The following DMD variants were observed in gnomAD, a reference collection of about 807,000 sequenced individuals.
DMD encodes dystrophin.
DMD carries 63 observed loss-of-function variants against 330.1 expected under a neutral mutation model. The ratio of observed to expected loss-of-function variants is 0.19; its 90% CI spans 0.16 to 0.24. The LOEUF is 0.24. DMD is among the 10% of genes least tolerant of loss of function. DMD has a pLI of 1.00. For missense variants in DMD, 3,344 were observed against 2,684.1 expected (o/e 1.25, Z -5.43); for synonymous variants, 1,223 against 959.8 (o/e 1.27, Z -5.07).
chrX:33,188,577 T>C (rs926971273), intron 1 of DMD, among the ~76,000 whole-genome samples: 3 of 109,656 alleles, frequency 2.7e-5, no homozygotes, highest in South Asian at 7.7e-4. Context: ...ACAGGAAGAG[T>C]GGGAAGAGAA....
rs1339342122 is a variant in DMD, at chrX:32,902,589, C to T, written c.94-52769G>A. Among the ~76,000 whole-genome samples, 6 of 110,250 alleles carry T rather than the reference C, an allele frequency of 5.4e-5. No homozygotes were observed. The Admixed American group carries it at 5.8e-4, about 11-fold the overall frequency. On this transcript the variant is annotated intron_variant, in intron 2 of 78. Transcript: ENST00000357033. ...TTATAAAGCATTCAGTTCAATATAA[C>T]TCATTAAATGGCCCTACAGCCCAAA...
At chrX:32,834,919 A>T (rs2079478708) in intron 4 of DMD, among the ~76,000 whole-genome samples, 1 of 111,495 alleles carries the variant, frequency 9.0e-6, no homozygotes, top group Non-Finnish European at 1.9e-5. Flanking sequence ...AAGAGGGAAG[A>T]CGAGGACACA....
At chrX:33,190,993 TAATATATAATATTA>T (rs1318201944) in intron 1 of DMD, among the ~76,000 whole-genome samples, 9 of 2,201 alleles carry the variant, frequency 4.1e-3, no homozygotes, top group African/African-American at 8.1e-3. Flanking sequence ...TATATATATA[TAATATATAATATTA>T]TATATATATA....
At chrX:31,820,519 G>A (rs2092730202) in intron 49 of DMD, among the ~76,000 whole-genome samples, 2 of 111,960 alleles carry the variant, frequency 1.8e-5, no homozygotes, top group East Asian at 2.8e-4. Flanking sequence ...CAGTGGACAC[G>A]GGAATATGCT....
At chrX:33,207,999 A>G (rs1376618664) in intron 1 of DMD, among the ~76,000 whole-genome samples, 1 of 111,820 alleles carries the variant, frequency 8.9e-6, no homozygotes, top group Non-Finnish European at 1.9e-5. Flanking sequence ...TTTGTGAGAA[A>G]GAAAACCATT....
chrX:32,542,995 C>A, intron 17 of DMD, among the ~76,000 whole-genome samples: 1 of 111,482 alleles, frequency 9.0e-6, no homozygotes, highest in East Asian at 2.8e-4. Flanking sequence ...TACTATACAG[C>A]CCAGGTTTTG....
At chrX:31,195,997 C>T (rs1375185549) in intron 67 of DMD, among the ~76,000 whole-genome samples, 1 of 112,005 alleles carries the variant, frequency 8.9e-6, no homozygotes, top group Non-Finnish European at 1.9e-5. Context: ...TCAACTACAA[C>T]ACAAACCTAT....
chrX:32,791,113 CT>C (rs1409735873), intron 7 of DMD, among the ~76,000 whole-genome samples: 1 of 111,752 alleles, frequency 8.9e-6, no homozygotes, highest in Non-Finnish European at 1.9e-5. Context: ...ACCACCAAAG[CT>C]GGCGTCAACC....
intron 7 of DMD, among the ~76,000 whole-genome samples, chrX:32,735,433 A>T (rs182112129): frequency 0.047 from 5,239 of 110,833 alleles, 144 homozygotes; most frequent in Non-Finnish European, 0.076. Context: ...TTGATATGGA[A>T]CCAAAAAAGA....
At chrX:31,814,390 G>C in intron 50 of DMD, among the ~76,000 whole-genome samples, 1 of 102,883 alleles carries the variant, frequency 9.7e-6, no homozygotes, top group Non-Finnish European at 2.0e-5. Context: ...GGCTGAGGCA[G>C]GAGAATGGCG....
intron 45 of DMD, among the ~76,000 whole-genome samples, chrX:31,948,830 C>A (rs2095122291): frequency 9.0e-6 from 1 of 111,583 alleles, no homozygotes; most frequent in Non-Finnish European, 1.9e-5. Flanking sequence ...TATCTTGTCA[C>A]CTTTGTCATA....
chrX:32,540,759 C>G (rs902663263), intron 17 of DMD, among the ~76,000 whole-genome samples: 4 of 111,307 alleles, frequency 3.6e-5, no homozygotes. Flanking sequence ...TGAAGGCATA[C>G]AACAAAACGA....
intron 44 of DMD, among the ~76,000 whole-genome samples, chrX:31,982,969 T>TTTTTTTTTTTTTTTTTTTTTTTGAG (rs2095485961): frequency 3.8e-5 from 4 of 105,469 alleles, no homozygotes; most frequent in Non-Finnish European, 4.0e-5. Flanking sequence ...GAGCTTTTGT[T>TTTTTTTTTTTTTTTTTTTTTTTGAG]AATGGTATTT....
At chrX:31,206,487 G>GAACAGTTCTACATCTTA (rs2044079532) in intron 66 of DMD, 95 bp downstream of exon 66, 19 of 774,390 alleles carry the variant, frequency 2.5e-5, no homozygotes, top group Non-Finnish European at 3.5e-5. Flanking sequence ...TGAGGAATCT[G>GAACAGTTCTACATCTTA]CTGTCAAATA....
intron 1 of DMD, among the ~76,000 whole-genome samples, chrX:33,310,160 T>C (rs1210220000): frequency 1.8e-5 from 2 of 111,157 alleles, no homozygotes; most frequent in East Asian, 5.6e-4. Flanking sequence ...AGCTTGGATG[T>C]TTTCTTGAAA....
intron 51 of DMD, among the ~76,000 whole-genome samples, chrX:31,754,851 C>T (rs1476056184): frequency 9.0e-6 from 1 of 111,622 alleles, no homozygotes; most frequent in African/African-American, 3.2e-5. Flanking sequence ...CAAATGGTTG[C>T]CTCTTTGCAA....
chrX:32,749,225 A>G (rs1351980916), intron 7 of DMD, among the ~76,000 whole-genome samples: 1 of 112,298 alleles, frequency 8.9e-6, no homozygotes, highest in Non-Finnish European at 1.9e-5. Flanking sequence ...AGAGAAAACT[A>G]ATGTCCAACA....
At chrX:31,379,239 C>T (rs1488984696) in intron 60 of DMD, among the ~76,000 whole-genome samples, 1 of 111,020 alleles carries the variant, frequency 9.0e-6, no homozygotes, top group African/African-American at 3.3e-5. Flanking sequence ...CCTTTTATCA[C>T]CTCCGCTCCT....
intron 44 of DMD, among the ~76,000 whole-genome samples, chrX:32,205,513 CTATTAGATG>C (rs1201672357): frequency 9.0e-6 from 1 of 110,678 alleles, no homozygotes; most frequent in Non-Finnish European, 1.9e-5. Flanking sequence ...TCTATTATAT[CTATTAGATG>C]CTATTTTTAT....
Sources: allele counts gnomAD v4.1 joint callset (sites outside exome capture counted in the v4.1 genomes callset), GRCh38; gene constraint gnomAD v4.1.1; transcripts MANE v1.5; gene names NCBI Gene and HGNC (gene_info 2026-07-23, HGNC 2026-07-21).